PCDHA2: variants seen among roughly 807,000 people sequenced by gnomAD.
PCDHA2 encodes the protein protocadherin alpha 2.
Under a neutral mutation model 66.0 loss-of-function variants are expected in PCDHA2, and 58 were observed. The observed-to-expected ratio is 0.88, with a 90% CI of 0.71 to 1.09. The LOEUF is 1.09. Among genes scored for constraint, PCDHA2 ranks in the 50% least tolerant of loss-of-function variants. The pLI, the probability that PCDHA2 is intolerant of heterozygous loss-of-function variation, is 0.00. For synonymous variants in PCDHA2, 634 were observed against 554.0 expected (o/e 1.14, Z -2.03); for missense variants, 1,267 against 1,242.3 (o/e 1.02, Z -0.30).
At chr5:140,952,242 C>T (rs1469286013) in intron 1 of PCDHA2, among the ~76,000 whole-genome samples, 2 of 151,750 alleles carry the variant, frequency 1.3e-5, no homozygotes, top group African/African-American at 4.8e-5. Context: ...CTGCTTAGAA[C>T]TGCTGGTGGA....
chr5:140,842,441 G>T (rs1554139039), intron 1 of PCDHA2: 3 of 1,613,636 alleles, frequency 1.9e-6, no homozygotes, highest in Non-Finnish European at 2.5e-6. Flanking sequence ...CCTAATTAGC[G>T]TGAACGACCT....
chr5:140,871,692 C>A, intron 1 of PCDHA2: 2 of 997,190 alleles, frequency 2.0e-6, no homozygotes, highest in Non-Finnish European at 2.9e-6. Flanking sequence ...AATCTGGCTT[C>A]TTTAACCAAT....
rs1762321272 is a variant in PCDHA2, at chr5:140,798,378, G to T, written c.2388+1026G>T. Among the ~76,000 whole-genome samples, 5 of 152,270 alleles carry T rather than the reference G, an allele frequency of 3.3e-5. No individual in the cohort carries two copies. The South Asian group carries it at 1.0e-3, about 32-fold the overall frequency. On this transcript the variant is annotated intron_variant, in intron 1 of 3. Coordinates refer to ENST00000526136, the MANE Select transcript of PCDHA2 (RefSeq NM_018905.3). ...TTGAGTTATCAGGCAAAAATAGAGA[G>T]TATTGAGAAAAGAGACCCTCTCAAT... is the stretch of plus-strand genomic sequence containing the variant.
At chr5:140,807,870 T>TA in intron 1 of PCDHA2, 1 of 1,614,150 alleles carries the variant, frequency 6.2e-7, no homozygotes, top group Non-Finnish European at 8.5e-7. Context: ...ACCGTTCAGT[T>TA]ACTCATCACA....
intron 1 of PCDHA2, among the ~76,000 whole-genome samples, chr5:140,957,031 TG>T (rs1436652232): frequency 6.6e-6 from 1 of 152,182 alleles, no homozygotes; most frequent in Non-Finnish European, 1.5e-5. Flanking sequence ...TAGATATTTA[TG>T]GGAGTCATAT....
intron 1 of PCDHA2, among the ~76,000 whole-genome samples, chr5:140,891,471 C>T (rs1239816606): frequency 6.6e-6 from 1 of 151,474 alleles, no homozygotes; most frequent in Non-Finnish European, 1.5e-5. Flanking sequence ...GAATTAATGC[C>T]TTTACATCAC....
intron 1 of PCDHA2, chr5:140,850,366 T>A (rs1226004214): frequency 1.3e-6 from 2 of 1,597,368 alleles, no homozygotes; most frequent in Non-Finnish European, 1.7e-6. Context: ...CCGTTCCGCG[T>A]GGGGCTGTAC....
Position 140,875,764 on chromosome 5 carries a change from C to T in PCDHA2, c.2388+78412C>T, listed in dbSNP as rs782377276. On this transcript the variant is annotated intron_variant, in intron 1 of 3. Coordinates refer to ENST00000526136, the MANE Select transcript of PCDHA2 (RefSeq NM_018905.3). ...GATCGACCGCGAGAAGCTGTGCGGGCGGAGCGCGGAGTGCAGTATCCACCT... is the reference window on the plus strand; with the variant it reads ...GATCGACCGCGAGAAGCTGTGCGGGTGGAGCGCGGAGTGCAGTATCCACCT... 27 of 1,614,078 alleles carry T rather than the reference C, an allele frequency of 1.7e-5. No homozygotes were observed. In the South Asian group the frequency reaches 2.1e-4, roughly 12 times the overall value.
rs1554165105 is a variant in PCDHA2 at position 140,871,093 on chromosome 5, G to A, written c.2388+73741G>A. 3 of 1,613,300 alleles carry A rather than the reference G, an allele frequency of 1.9e-6. No individual in the cohort carries two copies. Among genetic ancestry groups the A allele is most frequent in the East Asian group, 4.5e-5 (2 of 44,870 alleles). ...GCCGGCGCTGACGGCCACGGCCACC[G>A]TGCTGGTGTCGTTGGTGGAGAGCGG... On this transcript the variant is annotated intron_variant, in intron 1 of 3. Transcript: ENST00000526136.
rs2150329529 is a variant in PCDHA2, at chr5:140,842,109, A to G, written c.2388+44757A>G. 642 of 1,613,342 alleles carry G rather than the reference A, an allele frequency of 4.0e-4. 8 individuals are homozygous for G. Among genetic ancestry groups the G allele is most frequent in the South Asian group, 3.7e-3 (331 of 90,644 alleles). On this transcript the variant is annotated intron_variant, in intron 1 of 3. Transcript: ENST00000526136. ...GCAGACAACGGAACAACAGTTATCA[A>G]ACTGAATGCTTCTGATCCGGATGAA...
At chr5:140,895,636 T>C (rs1554186575) in intron 1 of PCDHA2, among the ~76,000 whole-genome samples, 1 of 152,178 alleles carries the variant, frequency 6.6e-6, no homozygotes, top group Non-Finnish European at 1.5e-5. Context: ...TTTCACATTC[T>C]TTTTTAGCTC....
rs1580988971 is a variant in PCDHA2, at chr5:140,842,089, C to T, written c.2388+44737C>T. ...AAGTAAGAATATTCGAAAACGCAGA[C>T]AACGGAACAACAGTTATCAAACTGA... is the stretch of plus-strand genomic sequence containing the variant. On this transcript the variant is annotated intron_variant, in intron 1 of 3. Transcript: ENST00000526136. The T allele has an allele frequency of 1.9e-6, 3 of 1,613,894 alleles. No homozygotes were observed. The East Asian group carries it at 6.7e-5, about 36-fold the overall frequency.
chr5:140,824,627 T>TTTTTTTTTTTTTTTTTTTTG (rs1554130003), intron 1 of PCDHA2: 1 of 134,070 alleles, frequency 7.5e-6, no homozygotes, highest in Admixed American at 7.3e-5. Context: ...TTTTTTTTTT[T>TTTTTTTTTTTTTTTTTTTTG]TTTTTATTTT....
At chr5:140,880,759 T>C (rs2058465198) in intron 1 of PCDHA2, among the ~76,000 whole-genome samples, 1 of 152,188 alleles carries the variant, frequency 6.6e-6, no homozygotes. Context: ...TAACTGCGTG[T>C]TGGAGGCTAA....
intron 1 of PCDHA2, chr5:140,926,758 G>C: frequency 2.3e-6 from 3 of 1,302,056 alleles, no homozygotes; most frequent in Non-Finnish European, 3.0e-6. Flanking sequence ...CGGTCGCTGA[G>C]TATCCAGCCC....
chr5:140,880,742 G>A, intron 1 of PCDHA2, among the ~76,000 whole-genome samples: 1 of 152,208 alleles, frequency 6.6e-6, no homozygotes, highest in East Asian at 1.9e-4. Flanking sequence ...AAAATGGATT[G>A]TCAGTGTAAC....
At chr5:140,876,361 C>T (rs1554168496) in intron 1 of PCDHA2, 1 of 1,613,880 alleles carries the variant, frequency 6.2e-7, no homozygotes. Flanking sequence ...TTCAATAAAT[C>T]CAGACACAGG....
intron 3 of PCDHA2, among the ~76,000 whole-genome samples, chr5:141,000,804 G>A (rs2097964510): frequency 6.6e-6 from 1 of 151,886 alleles, no homozygotes; most frequent in African/African-American, 2.4e-5. Flanking sequence ...CTACTCAGAA[G>A]GCTGAGGTGG....
At chr5:140,940,470 A>AT (rs201096499) in intron 1 of PCDHA2, among the ~76,000 whole-genome samples, 9 of 149,600 alleles carry the variant, frequency 6.0e-5, no homozygotes, top group East Asian at 5.9e-4. Context: ...GTTCCCTGCA[A>AT]TTTTTTTTTT....
Sources: gnomAD v4.1 joint callset for allele counts (sites outside exome capture counted in the v4.1 genomes callset) on GRCh38, gnomAD v4.1.1 for gene constraint, MANE v1.5 for transcripts, NCBI Gene and HGNC (gene_info 2026-07-23, HGNC 2026-07-21) for gene names.